The following SGK3 variants were observed in gnomAD, a reference collection of about 807,000 sequenced individuals.
SGK3 encodes the protein serine/threonine-protein kinase Sgk3.
Under a neutral mutation model 68.5 loss-of-function variants are expected in SGK3, and 47 were observed. The ratio of observed to expected loss-of-function variants is 0.69; its 90% CI spans 0.54 to 0.87. The LOEUF is 0.87. Among genes scored for constraint, SGK3 ranks in the 40% least tolerant of loss-of-function variants. SGK3 has a pLI of 0.00. For missense variants in SGK3, 479 were observed against 575.5 expected (o/e 0.83, Z 1.72); for synonymous variants, 181 against 189.1 (o/e 0.96, Z 0.35).
intron 1 of SGK3, among the ~76,000 whole-genome samples, chr8:66,726,479 A>T (rs1804987640): frequency 6.6e-6 from 1 of 152,204 alleles, no homozygotes. Flanking sequence ...CCATCTGCTG[A>T]TGAGGCAGTG....
At chr8:66,765,292 C>A (rs111471015) in intron 1 of SGK3, among the ~76,000 whole-genome samples, 1 of 151,970 alleles carries the variant, frequency 6.6e-6, no homozygotes, top group South Asian at 2.1e-4. Context: ...TTTTGATTTG[C>A]GTTTCCCTAA....
intron 1 of SGK3, among the ~76,000 whole-genome samples, chr8:66,732,356 T>A (rs1805181774): frequency 6.6e-6 from 1 of 152,122 alleles, no homozygotes; most frequent in Non-Finnish European, 1.5e-5. Context: ...GGCATGCTGG[T>A]GTGTACCTGT....
chr8:66,825,023 A>G (rs1409480766), intron 6 of SGK3, among the ~76,000 whole-genome samples: 2 of 152,316 alleles, frequency 1.3e-5, no homozygotes, highest in African/African-American at 2.4e-5. Context: ...CTATGTAACC[A>G]TGATTTTCCA....
chr8:66,729,349 G>A (rs559835141), intron 1 of SGK3, among the ~76,000 whole-genome samples: 2 of 151,890 alleles, frequency 1.3e-5, no homozygotes, highest in South Asian at 2.1e-4. Flanking sequence ...CCAGCTACTC[G>A]GGAGGCTGAG....
chr8:66,729,833 C>A (rs767504850), intron 1 of SGK3, among the ~76,000 whole-genome samples: 1 of 152,168 alleles, frequency 6.6e-6, no homozygotes, highest in Non-Finnish European at 1.5e-5. Flanking sequence ...CAACTTCCAC[C>A]TCCCGGATTC....
intron 1 of SGK3, among the ~76,000 whole-genome samples, chr8:66,732,474 C>T (rs1377276192): frequency 2.1e-5 from 3 of 145,088 alleles, no homozygotes; most frequent in South Asian, 2.2e-4. Flanking sequence ...GGTGACAGTA[C>T]GAGACTCTGT....
chr8:66,771,761 T>C (rs531295180), intron 1 of SGK3, among the ~76,000 whole-genome samples: 2 of 152,284 alleles, frequency 1.3e-5, no homozygotes, highest in African/African-American at 4.8e-5. Context: ...AATCATGGAC[T>C]GATTAATATA....
At chr8:66,712,907 C>G (rs1804530110) in intron 1 of SGK3, 74 bp downstream of exon 1, 2 of 151,784 alleles carry the variant, frequency 1.3e-5, no homozygotes, top group African/African-American at 4.8e-5. Flanking sequence ...GGAGACGGGG[C>G]GGGGCGAGGG....
chr8:66,723,500 G>A lies in SGK3; in HGVS notation c.-122+10667G>A, dbSNP rs185521194. Among the ~76,000 whole-genome samples the A allele has an allele frequency of 1.2e-4, 19 of 152,140 alleles. 1 individual carries two copies. In the East Asian group the frequency reaches 3.7e-3, roughly 30 times the overall value. On this transcript the variant is annotated intron_variant, in intron 1 of 16. Coordinates refer to ENST00000521198, the MANE Select transcript of SGK3 (RefSeq NM_001033578.3). ...CCTCTGTCACGTAAGCTGGAGTGCA[G>A]TGGTGCAATCTTAACACACTGCAGC...
At chr8:66,811,181 A>G (rs1305372924) in intron 4 of SGK3, among the ~76,000 whole-genome samples, 1 of 152,086 alleles carries the variant, frequency 6.6e-6, no homozygotes, top group East Asian at 1.9e-4. Context: ...ACAGCTAGCT[A>G]ATTTTTAAAA....
chr8:66,767,337 T>C, intron 1 of SGK3: 1 of 999,398 alleles, frequency 1.0e-6, no homozygotes. Flanking sequence ...TCTTTTTTTC[T>C]GTTAAACAAA....
chr8:66,736,951 A>G (rs1210141363), intron 1 of SGK3, among the ~76,000 whole-genome samples: 1 of 150,210 alleles, frequency 6.7e-6, no homozygotes, highest in African/African-American at 2.5e-5. Flanking sequence ...TTTTTAAAAA[A>G]ATATTTAGTA....
At chr8:66,714,855 A>C (rs1804587608) in intron 1 of SGK3, among the ~76,000 whole-genome samples, 1 of 152,206 alleles carries the variant, frequency 6.6e-6, no homozygotes, top group South Asian at 2.1e-4. Flanking sequence ...ATTGCACAGC[A>C]GGTGAGAGGC....
At position 66,720,596 on chromosome 8, in the gene SGK3, C is replaced by G. The variant is rs575053073; in HGVS notation, c.-122+7763C>G. Among the ~76,000 whole-genome samples, 55 of 145,964 alleles carry G rather than the reference C, an allele frequency of 3.8e-4. 3 individuals carry two copies. Among genetic ancestry groups the G allele is most frequent in the African/African-American group, 1.4e-3 (49 of 35,656 alleles). On this transcript the variant is annotated intron_variant, in intron 1 of 16. Transcript: ENST00000521198. Reference sequence around the variant, plus strand: ...ACCAGCCTGGCCAACATGGTGAAACCCTTTCTCTACTAAAAATATAAAAAT... The same window carrying G: ...ACCAGCCTGGCCAACATGGTGAAACGCTTTCTCTACTAAAAATATAAAAAT...
intron 1 of SGK3, among the ~76,000 whole-genome samples, chr8:66,753,413 G>T (rs538567202): frequency 9.8e-5 from 15 of 152,336 alleles, no homozygotes; most frequent in African/African-American, 3.6e-4. Context: ...CACATAGGTA[G>T]TCAAGATATA....
At chr8:66,727,337 T>C (rs1235721279) in intron 1 of SGK3, among the ~76,000 whole-genome samples, 2 of 152,152 alleles carry the variant, frequency 1.3e-5, no homozygotes, top group Non-Finnish European at 2.9e-5. Context: ...GCCCAAGTGA[T>C]CCACCCACCT....
chr8:66,742,248 CA>C (rs766605998), intron 1 of SGK3, among the ~76,000 whole-genome samples: 2 of 152,050 alleles, frequency 1.3e-5, no homozygotes, highest in Non-Finnish European at 2.9e-5. Flanking sequence ...CTGTTCAAAT[CA>C]TTTTTTTTAT....
rs1563622895 is a variant in SGK3 at position 66,779,567 on chromosome 8, TA to T, written c.-121-14048del. Among the ~76,000 whole-genome samples the T allele has an allele frequency of 9.3e-5, 8 of 85,940 alleles. No individual in the cohort carries two copies. In the South Asian group the frequency reaches 2.7e-3, roughly 29 times the overall value. The allele number at this position is 85,940 out of a possible 152,430, so 56.4% of individuals were successfully genotyped here. A position where few individuals can be genotyped will look rare whatever the true frequency, so the allele number is the denominator to read the frequency against. On this transcript the variant is annotated intron_variant, in intron 1 of 16. Coordinates refer to ENST00000521198, the MANE Select transcript of SGK3 (RefSeq NM_001033578.3). ...ATGTATATGTATGTGTGTGAATATA[TA>T]TATATATATATATATATATATATAT...
Position 66,756,232 on chromosome 8 carries a change from T to C in SGK3, c.-121-37384T>C, listed in dbSNP as rs75364236. ...AGGAGAGACCAGCTCTGGTGGCACA[T>C]TGATCTCAGACTTGTGCCTCCAGAA... On this transcript the variant is annotated intron_variant, in intron 1 of 16. Transcript: ENST00000521198. Among the ~76,000 whole-genome samples, 1,264 of 152,198 alleles carry C rather than the reference T, an allele frequency of 8.3e-3. 18 individuals are homozygous for C. The highest frequency in any genetic ancestry group is 0.024 in the African/African-American group (983 of 41,524).
Sources: allele counts gnomAD v4.1 joint callset (sites outside exome capture counted in the v4.1 genomes callset), GRCh38; gene constraint gnomAD v4.1.1; transcripts MANE v1.5; gene names NCBI Gene and HGNC (gene_info 2026-07-23, HGNC 2026-07-21).